Variants in ATP4B observed in about 807,000 individuals in gnomAD.
ATP4B encodes ATPase H+/K+ transporting subunit beta.
Under a neutral mutation model 35.3 loss-of-function variants are expected in ATP4B, and 27 were observed. The ratio of observed to expected loss-of-function variants is 0.76; its 90% CI spans 0.56 to 1.05. ATP4B has a LOEUF of 1.05. Among genes scored for constraint, ATP4B ranks in the 50% least tolerant of loss-of-function variants. ATP4B has a pLI of 0.00. For synonymous variants in ATP4B, 162 were observed against 156.0 expected, an observed-to-expected ratio of 1.04 and a Z score of -0.29; for missense variants, 375 against 384.8, an observed-to-expected ratio of 0.97 and a Z score of 0.21.
chr13:113,654,504 A>G (rs908574079), intron 2 of ATP4B, among the ~76,000 whole-genome samples: 3 of 152,236 alleles, frequency 2.0e-5, no homozygotes, highest in East Asian at 1.9e-4. Context: ...CTTTGTCTCT[A>G]TAACAAAACC....
rs114869520 is a variant in ATP4B at position 113,653,951 on chromosome 13, C to T, written c.242-517G>A. On this transcript the variant is annotated intron_variant, in intron 2 of 6. Transcript: ENST00000335288. ...GCACACTTTCCTGTTTCTGTGGAAA[C>T]ACAGATGCAGAAACGTGTGTTTACT... Among the ~76,000 whole-genome samples, 1,205 of 152,336 alleles carry T rather than the reference C, an allele frequency of 7.9e-3. 23 individuals carry two copies. Among genetic ancestry groups the T allele is most frequent in the African/African-American group, 0.027 (1,122 of 41,576 alleles).
intron 1 of ATP4B, among the ~76,000 whole-genome samples, chr13:113,657,702 C>T (rs886838008): frequency 1.3e-5 from 2 of 152,250 alleles, no homozygotes; most frequent in Admixed American, 6.5e-5. Context: ...CCACCTTTCA[C>T]GTTATTTTCA....
chr13:113,657,566 G>T (rs1002122590), intron 1 of ATP4B, among the ~76,000 whole-genome samples: 5 of 152,222 alleles, frequency 3.3e-5, no homozygotes, highest in African/African-American at 1.2e-4. Context: ...AGGCAGGCCT[G>T]GTTTACTCCC....
At chr13:113,657,891 C>A (rs567047876) in intron 1 of ATP4B, 142 bp downstream of exon 1, 1 of 700,548 alleles carries the variant, frequency 1.4e-6, no homozygotes, top group South Asian at 2.0e-5. Context: ...AGGCCCTGGC[C>A]GAAGCCCGTC....
intron 4 of ATP4B, 74 bp from the exon 5 acceptor site, chr13:113,651,801 G>T: frequency 6.4e-7 from 1 of 1,557,054 alleles, no homozygotes; most frequent in East Asian, 2.3e-5. Flanking sequence ...CCCACCCATG[G>T]AGCTGAGATC....
chr13:113,650,561 T>TTGTGTTTG lies in ATP4B; in HGVS notation c.613-55_613-54insCAAACACA. ...AGGCGGGAGCTGGTGTGTGCCGGTG[T>TTGTGTTTG]CTGTGTGTTGCGTTTGTGTGCGTGT... On this transcript the variant is annotated intron_variant, in intron 5 of 6. Coordinates refer to ENST00000335288, the MANE Select transcript of ATP4B (RefSeq NM_000705.4). This position sits in a 1 kb window ranked among gnomAD's most constrained non-coding sequence, Gnocchi z 5.0. 2 of 1,473,250 alleles carry TTGTGTTTG rather than the reference T, an allele frequency of 1.4e-6. No individual in the cohort carries two copies. The highest frequency in any genetic ancestry group is 1.9e-6 in the Non-Finnish European group (2 of 1,075,226). The allele number at this position is 1,473,250 out of a possible 1,614,324, so 91.3% of individuals were successfully genotyped here. A position where few individuals can be genotyped will look rare whatever the true frequency, so the allele number is the denominator to read the frequency against.
chr13:113,649,002 T>TG lies in ATP4B; in HGVS notation c.*371dup, dbSNP rs113895052. The TG allele has an allele frequency of 0.03, 4,810 of 161,760 alleles. 113 individuals carry two copies. The highest frequency in any genetic ancestry group is 0.064 in the African/African-American group (2,649 of 41,230). 10.0% of individuals were successfully genotyped at this position (161,760 alleles called of 1,614,324 possible). A position where few individuals can be genotyped will look rare whatever the true frequency, so the allele number is the denominator to read the frequency against. On this transcript the variant is annotated 3_prime_UTR_variant, in exon 7 of 7. Transcript: ENST00000335288. This position sits in a 1 kb window ranked among gnomAD's most constrained non-coding sequence, Gnocchi z 4.7. ...TGCATTAGTAGTTTTTATATTAATG[T>TG]GGGGGGGGCAGTTCATATTGAAGTG...
chr13:113,656,541 G>A (rs576034131), intron 1 of ATP4B, among the ~76,000 whole-genome samples: 17 of 152,308 alleles, frequency 1.1e-4, no homozygotes, highest in African/African-American at 4.1e-4. Context: ...TTCAGGGCAC[G>A]CTGCAGTGCA....
intron 1 of ATP4B, among the ~76,000 whole-genome samples, chr13:113,657,144 C>T (rs78503156): frequency 1.5e-3 from 232 of 152,278 alleles, no homozygotes; most frequent in African/African-American, 5.3e-3. Context: ...ATTCCCAGCA[C>T]GTCTCAGCTA....
Position 113,650,387 on chromosome 13 carries a change from G to A in ATP4B, c.714+19C>T, listed in dbSNP as rs753672248. 22 of 1,607,650 alleles carry A rather than the reference G, an allele frequency of 1.4e-5. No homozygotes were observed. Among genetic ancestry groups the A allele is most frequent in the Non-Finnish European group, 1.6e-5 (19 of 1,174,326 alleles). ...ACTCAGCAGCTGTGGTGAGGGAAGC[G>A]TGGAAGGAAGGAACCTACCTGGGCT... On this transcript the variant is annotated intron_variant, in intron 6 of 6. Coordinates refer to ENST00000335288, the MANE Select transcript of ATP4B (RefSeq NM_000705.4). The surrounding 1 kb of genome is among the most constrained non-coding windows in gnomAD (Gnocchi z 5.0).
chr13:113,653,450 T>C lies in ATP4B; in HGVS notation c.242-16A>G, dbSNP rs2049729720. Reference sequence around the variant, plus strand: ...AAGGTTACCCCTGGAGAGAGAGACCTTTGTGCTTAGCGTCTCCAAATGCTC... The same window carrying C: ...AAGGTTACCCCTGGAGAGAGAGACCCTTGTGCTTAGCGTCTCCAAATGCTC... On this transcript the variant is annotated splice_polypyrimidine_tract_variant and intron_variant, in intron 2 of 6. Coordinates refer to ENST00000335288, the MANE Select transcript of ATP4B (RefSeq NM_000705.4). 6.2e-7 allele frequency: 1 copy of C among 1,604,704 alleles called. No individual in the cohort carries two copies. The highest frequency in any genetic ancestry group is 8.5e-7 in the Non-Finnish European group (1 of 1,171,548).
Position 113,656,568 on chromosome 13 carries a change from A to G in ATP4B, c.112+1465T>C, listed in dbSNP as rs376677737. Among the ~76,000 whole-genome samples, 121 of 152,192 alleles carry G rather than the reference A, an allele frequency of 8.0e-4. 2 individuals carry two copies. The East Asian group carries it at 0.015, about 19-fold the overall frequency. On this transcript the variant is annotated intron_variant, in intron 1 of 6. Transcript: ENST00000335288. Reference sequence around the variant, plus strand: ...TGCAGTGCACAGGGGAGGGGTTGGGAGGTGACTGAGAGTCCCATTCCCGCC... The same window carrying G: ...TGCAGTGCACAGGGGAGGGGTTGGGGGGTGACTGAGAGTCCCATTCCCGCC...
chr13:113,650,124 T>C lies in ATP4B; in HGVS notation c.714+282A>G, dbSNP rs1468669070. 6.6e-6 allele frequency among the ~76,000 whole-genome samples: 1 copy of C among 151,768 alleles called. No homozygotes were observed. Among genetic ancestry groups the C allele is most frequent in the African/African-American group, 2.4e-5 (1 of 41,232 alleles). ...GCTGCAATGAGCTAAGATGCTAAGATTGCATTGCTGCAATCCACCCTGGGT... is the reference window on the plus strand; with the variant it reads ...GCTGCAATGAGCTAAGATGCTAAGACTGCATTGCTGCAATCCACCCTGGGT... On this transcript the variant is annotated intron_variant, in intron 6 of 6. Coordinates refer to ENST00000335288, the MANE Select transcript of ATP4B (RefSeq NM_000705.4). This position sits in a 1 kb window ranked among gnomAD's most constrained non-coding sequence, Gnocchi z 5.0.
rs1484274731 is a variant in ATP4B, at chr13:113,652,899, G to A, written c.529C>T (p.Pro177Ser). 6.2e-7 allele frequency: 1 copy of A among 1,614,176 alleles called. No individual in the cohort carries two copies. Among genetic ancestry groups the A allele is most frequent in the African/African-American group, 1.3e-5 (1 of 75,038 alleles). The change falls in exon 4 of 7, where the codon CCA becomes TCA. Residue 177 changes from proline to serine, a missense_variant. Coordinates refer to ENST00000335288, the MANE Select transcript of ATP4B (RefSeq NM_000705.4). ...DPNFGFEEGK[P>S]CFIIKMNRIV... Reference sequence around the variant, plus strand: ...CTGTTCATTTTAATAATAAAACATGGCTTTCCTTCTTCAAAGCCGAAGTTG... The same window carrying A: ...CTGTTCATTTTAATAATAAAACATGACTTTCCTTCTTCAAAGCCGAAGTTG...
rs2049698946 is a variant in ATP4B at position 113,649,932 on chromosome 13, G to A, written c.715-397C>T. On this transcript the variant is annotated intron_variant, in intron 6 of 6. Transcript: ENST00000335288. The surrounding 1 kb of genome is among the most constrained non-coding windows in gnomAD (Gnocchi z 4.7). The stretch of plus-strand genomic sequence containing the variant: ...AATCCTAGCACTTTGGGAGCCTGAG[G>A]CAGGCTGATTGCTTCAGCCCAGGAG... 2.0e-5 allele frequency among the ~76,000 whole-genome samples: 3 copies of A among 152,154 alleles called. No homozygotes were observed. The highest frequency in any genetic ancestry group is 2.0e-4 in the Admixed American group (3 of 15,286).
rs752395084 is a variant in ATP4B at position 113,658,061 on chromosome 13, C to T, written c.84G>A (p.Gln28=). The change falls in exon 1 of 7, where the codon CAG becomes CAA. Residue 28 remains glutamine (Q), a synonymous_variant. Coordinates refer to ENST00000335288, the MANE Select transcript of ATP4B (RefSeq NM_000705.4). ...QRYCWNPDTG[Q]MLGRTLSRWV... ...ACCGGGACAGGGTGCGGCCCAGCAT[C>T]TGCCCCGTGTCCGGGTTCCAGCAGT... 3 of 1,609,204 alleles carry T rather than the reference C, an allele frequency of 1.9e-6. No homozygotes were observed. The East Asian group carries it at 6.7e-5, about 36-fold the overall frequency.
intron 1 of ATP4B, 37 bp downstream of exon 1, chr13:113,657,996 C>G (rs372619545): frequency 8.5e-6 from 13 of 1,531,554 alleles, no homozygotes; most frequent in Non-Finnish European, 8.8e-6. Flanking sequence ...AGAGCGGCCC[C>G]CTCCATGCAC....
intron 2 of ATP4B, among the ~76,000 whole-genome samples, chr13:113,654,051 G>A (rs887374759): frequency 6.6e-5 from 10 of 152,170 alleles, no homozygotes; most frequent in Non-Finnish European, 1.0e-4. Context: ...CTTCCCGTGC[G>A]ATTGGGAGCC....
At chr13:113,651,993 C>G (rs1031339492) in intron 4 of ATP4B, among the ~76,000 whole-genome samples, 9 of 152,202 alleles carry the variant, frequency 5.9e-5, no homozygotes, top group African/African-American at 2.2e-4. Context: ...TGGCAGGAGG[C>G]AGAGCTGGGG....
Sources: gnomAD v4.1 joint callset for allele counts (sites outside exome capture counted in the v4.1 genomes callset) on GRCh38, gnomAD v4.1.1 for gene constraint, Gnocchi (gnomAD v3.1) non-coding constraint, MANE v1.5 for transcripts, NCBI Gene and HGNC (gene_info 2026-07-23, HGNC 2026-07-21) for gene names.